STXBP4: variants seen among roughly 807,000 people sequenced by gnomAD.
STXBP4 encodes syntaxin binding protein 4, also known as syntaxin-binding protein 4.
A neutral mutation model predicts 76.1 loss-of-function variants in STXBP4; 55 were observed. The observed-to-expected ratio is 0.72, with a 90% CI of 0.58 to 0.91. The LOEUF (loss-of-function observed/expected upper bound fraction) is 0.91, where lower values mean the gene tolerates loss of function less well. Among genes scored for constraint, STXBP4 ranks in the 40% least tolerant of loss-of-function variants. The pLI is 0.00. For synonymous variants in STXBP4, 201 were observed against 220.2 expected (o/e 0.91, Z 0.77); for missense variants, 618 against 636.9 (o/e 0.97, Z 0.32).
the STXBP4 span, among the ~76,000 whole-genome samples, chr17:55,192,468 A>C: frequency 6.6e-6 from 1 of 152,188 alleles, no homozygotes; most frequent in Non-Finnish European, 1.5e-5. Context: ...TTAACCTATC[A>C]AGTTAGTTAC....
intron 7 of STXBP4, among the ~76,000 whole-genome samples, chr17:55,006,434 G>A (rs1239085015): frequency 6.6e-6 from 1 of 152,062 alleles, no homozygotes; most frequent in Admixed American, 6.6e-5. Context: ...TTTCTATGTA[G>A]AACTAGTAAA....
intron 16 of STXBP4, among the ~76,000 whole-genome samples, chr17:55,082,604 C>T (rs2079270132): frequency 6.6e-6 from 1 of 152,014 alleles, no homozygotes; most frequent in Non-Finnish European, 1.5e-5. Context: ...TTTAGCATTC[C>T]TAGTACCCTT....
chr17:55,008,179 T>G (rs1270311983), intron 8 of STXBP4, among the ~76,000 whole-genome samples: 2 of 151,400 alleles, frequency 1.3e-5, no homozygotes, highest in African/African-American at 4.8e-5. Flanking sequence ...ATTTATCAGG[T>G]TACCAGGGAT....
At chr17:55,045,513 T>A (rs1290812929) in intron 11 of STXBP4, among the ~76,000 whole-genome samples, 2 of 152,162 alleles carry the variant, frequency 1.3e-5, no homozygotes, top group African/African-American at 2.4e-5. Flanking sequence ...ATATATTTGA[T>A]TTTATTTTAA....
the STXBP4 span, among the ~76,000 whole-genome samples, chr17:55,185,257 CCTTCTCCTTCTCCTTCTCCTTCTCCTT>C: frequency 1.9e-5 from 1 of 53,254 alleles, no homozygotes; most frequent in African/African-American, 7.6e-5. Flanking sequence ...TTCTCCTTCT[CCTTCTCCTTCTCCTTCTCCTTCTCCTT>C]CTCCTTCTCC....
At chr17:55,024,014 A>T (rs539414858) in intron 8 of STXBP4, among the ~76,000 whole-genome samples, 1 of 152,268 alleles carries the variant, frequency 6.6e-6, no homozygotes, top group African/African-American at 2.4e-5. Context: ...GTACAAATGA[A>T]TGGACTATTT....
At chr17:55,074,307 CAAG>C (rs1298490782) in intron 13 of STXBP4, among the ~76,000 whole-genome samples, 2 of 152,136 alleles carry the variant, frequency 1.3e-5, no homozygotes, top group South Asian at 4.1e-4. Flanking sequence ...ACCAATTCCA[CAAG>C]AAGGCTGAAG....
At chr17:55,066,807 A>G (rs574474732) in intron 12 of STXBP4, among the ~76,000 whole-genome samples, 1 of 152,202 alleles carries the variant, frequency 6.6e-6, no homozygotes, top group South Asian at 2.1e-4. Flanking sequence ...ATCACCTTGA[A>G]CCTGGGAGGC....
At chr17:55,003,656 A>G (rs1284980026) in intron 7 of STXBP4, among the ~76,000 whole-genome samples, 2 of 152,236 alleles carry the variant, frequency 1.3e-5, no homozygotes, top group African/African-American at 4.8e-5. Context: ...ATGTAATTAG[A>G]TAGTTCTATT....
chr17:55,183,669 A>T, the STXBP4 span, among the ~76,000 whole-genome samples: 1 of 152,220 alleles, frequency 6.6e-6, no homozygotes, highest in Non-Finnish European at 1.5e-5. Context: ...TTGTAAAAGG[A>T]TATAAAAAGC....
chr17:55,075,222 T>G lies in STXBP4; in HGVS notation c.1188+2146T>G, dbSNP rs118182982. Among the ~76,000 whole-genome samples the G allele has an allele frequency of 9.8e-3, 1,485 of 152,244 alleles. 14 individuals carry two copies. Among genetic ancestry groups the G allele is most frequent in the Non-Finnish European group, 0.016 (1,103 of 67,978 alleles). ...TCTTGAAAACTTTACTACTTGTGTA[T>G]ATATTCCTTAACAATATGTTGTTTA... On this transcript the variant is annotated intron_variant, in intron 13 of 17. Transcript: ENST00000376352.
At chr17:55,029,633 G>C (rs1454834060) in intron 8 of STXBP4, among the ~76,000 whole-genome samples, 3 of 151,082 alleles carry the variant, frequency 2.0e-5, no homozygotes. Flanking sequence ...GCTAGACTAA[G>C]CTTAAGAATC....
intron 1 of STXBP4, among the ~76,000 whole-genome samples, chr17:54,980,030 C>CTA (rs3053510): frequency 0.28 from 42,569 of 151,934 alleles, 6,197 homozygotes; most frequent in African/African-American, 0.35. Context: ...TGACAGGTGT[C>CTA]TGTGTGTGTG....
chr17:55,152,087 C>T (rs747998853), intron 17 of STXBP4, among the ~76,000 whole-genome samples: 5 of 152,152 alleles, frequency 3.3e-5, no homozygotes, highest in South Asian at 4.1e-4. Context: ...ATTACCAAGT[C>T]GGAAGATTGT....
chr17:55,062,098 T>C (rs1598277504), intron 12 of STXBP4, among the ~76,000 whole-genome samples: 2 of 152,238 alleles, frequency 1.3e-5, no homozygotes, highest in Admixed American at 1.3e-4. Flanking sequence ...TTTTTTTTTT[T>C]TAAATATATA....
chr17:55,132,663 A>G (rs1353361278), intron 16 of STXBP4, among the ~76,000 whole-genome samples: 2 of 152,212 alleles, frequency 1.3e-5, no homozygotes, highest in African/African-American at 2.4e-5. Context: ...GCAGTGAAGC[A>G]ATGAATGAAC....
At chr17:55,020,536 G>T (rs916845522) in intron 8 of STXBP4, among the ~76,000 whole-genome samples, 1 of 151,706 alleles carries the variant, frequency 6.6e-6, no homozygotes, top group Admixed American at 6.6e-5. Context: ...TTATACTTTC[G>T]GCCGGGCGTG....
At chr17:55,108,853 G>A (rs568682440) in intron 16 of STXBP4, among the ~76,000 whole-genome samples, 10 of 152,110 alleles carry the variant, frequency 6.6e-5, no homozygotes, top group Admixed American at 3.3e-4. Context: ...GTTCCTATTC[G>A]GCCATCTTGC....
chr17:55,053,070 C>G (rs1468504986), intron 12 of STXBP4, among the ~76,000 whole-genome samples: 2 of 151,320 alleles, frequency 1.3e-5, no homozygotes, highest in Non-Finnish European at 2.9e-5. Context: ...TGACTCCAGA[C>G]TGGATCCTCT....
Sources: allele counts gnomAD v4.1 joint callset (sites outside exome capture counted in the v4.1 genomes callset), GRCh38; gene constraint gnomAD v4.1.1; transcripts MANE v1.5; gene names NCBI Gene and HGNC (gene_info 2026-07-23, HGNC 2026-07-21).